Variants in CTNNA2 observed in about 807,000 individuals in gnomAD.
CTNNA2 encodes catenin alpha-2.
In CTNNA2, 42 loss-of-function variants were observed where a neutral mutation model predicts 101.0. That is an observed-to-expected ratio of 0.42 (90% CI 0.32 to 0.54). The LOEUF (loss-of-function observed/expected upper bound fraction) is 0.54, where lower values mean the gene tolerates loss of function less well. Ranked by LOEUF, CTNNA2 falls within the 20% of genes least tolerant of loss-of-function variation. The pLI is 0.14. For missense variants in CTNNA2, 871 were observed against 1,223.1 expected, an observed-to-expected ratio of 0.71 and a Z score of 4.29; for synonymous variants, 450 against 456.4, an observed-to-expected ratio of 0.99 and a Z score of 0.18.
chr2:80,512,690 T>G (rs1374935783), intron 9 of CTNNA2, among the ~76,000 whole-genome samples: 1 of 152,064 alleles, frequency 6.6e-6, no homozygotes, highest in African/African-American at 2.4e-5. Context: ...TTTTTTTGTT[T>G]GTTTGTTTTC....
chr2:80,431,660 C>T (rs1482030940), intron 9 of CTNNA2, among the ~76,000 whole-genome samples: 2 of 152,264 alleles, frequency 1.3e-5, no homozygotes, highest in Middle Eastern at 3.4e-3. Flanking sequence ...GTGAACTGAT[C>T]GGCAATATGG....
chr2:80,137,135 C>T (rs1464564319), intron 7 of CTNNA2, among the ~76,000 whole-genome samples: 2 of 152,096 alleles, frequency 1.3e-5, no homozygotes, highest in Non-Finnish European at 2.9e-5. Flanking sequence ...GGAGACCACA[C>T]AGCACACAGG....
At chr2:79,311,498 A>G (rs1253311074) in intron 2 of CTNNA2, among the ~76,000 whole-genome samples, 1 of 151,742 alleles carries the variant, frequency 6.6e-6, no homozygotes, top group African/African-American at 2.4e-5. Context: ...ACCTGTCACT[A>G]TTGGTCAGAA....
At chr2:79,777,194 C>G (rs1398119450) in intron 3 of CTNNA2, 2 of 152,110 alleles carry the variant, frequency 1.3e-5, no homozygotes, top group Non-Finnish European at 2.9e-5. Context: ...GAACTGCTTA[C>G]TATACAGCTG....
intron 4 of CTNNA2, among the ~76,000 whole-genome samples, chr2:79,386,452 C>G (rs1558654874): frequency 6.6e-6 from 1 of 152,120 alleles, no homozygotes; most frequent in Admixed American, 6.5e-5. Flanking sequence ...TATACTTTTC[C>G]TTCCTCTTAG....
chr2:80,550,625 A>C (rs1692481444), intron 11 of CTNNA2, among the ~76,000 whole-genome samples: 1 of 152,226 alleles, frequency 6.6e-6, no homozygotes, highest in African/African-American at 2.4e-5. Flanking sequence ...AGCTAGGGAT[A>C]GATTACATCT....
intron 7 of CTNNA2, among the ~76,000 whole-genome samples, chr2:80,384,396 T>C (rs1255400148): frequency 2.0e-5 from 3 of 150,640 alleles, no homozygotes; most frequent in African/African-American, 4.9e-5. Context: ...GAAACCTGCA[T>C]GTGTATCCCC....
At chr2:80,066,806 T>A (rs1698013463) in intron 7 of CTNNA2, among the ~76,000 whole-genome samples, 1 of 152,186 alleles carries the variant, frequency 6.6e-6, no homozygotes, top group East Asian at 1.9e-4. Flanking sequence ...TGCAGCGTTA[T>A]TCACAATAGC....
At chr2:80,618,116 A>G (rs1190967097) in intron 17 of CTNNA2, among the ~76,000 whole-genome samples, 1 of 151,860 alleles carries the variant, frequency 6.6e-6, no homozygotes, top group Non-Finnish European at 1.5e-5. Flanking sequence ...ATTGAAAAAA[A>G]ATACTTTAGT....
At chr2:80,311,720 G>T (rs997394401) in intron 7 of CTNNA2, among the ~76,000 whole-genome samples, 1 of 152,230 alleles carries the variant, frequency 6.6e-6, no homozygotes, top group Admixed American at 6.5e-5. Flanking sequence ...ACAAGGCTTT[G>T]TTCTGTTGTT....
chr2:79,829,317 G>A (rs1202441971), intron 3 of CTNNA2, among the ~76,000 whole-genome samples: 2 of 150,318 alleles, frequency 1.3e-5, no homozygotes, highest in African/African-American at 4.9e-5. Flanking sequence ...AGGAGTTGGA[G>A]ACCAGCCTGG....
intron 7 of CTNNA2, among the ~76,000 whole-genome samples, chr2:80,324,329 A>G (rs1227009704): frequency 6.6e-6 from 1 of 152,146 alleles, no homozygotes; most frequent in African/African-American, 2.4e-5. Flanking sequence ...TCTCAGAGTC[A>G]AGTCATAGGC....
intron 18 of CTNNA2, among the ~76,000 whole-genome samples, chr2:80,646,947 A>C (rs1401034686): frequency 6.6e-6 from 1 of 152,148 alleles, no homozygotes; most frequent in Non-Finnish European, 1.5e-5. Flanking sequence ...GGGAAAATAC[A>C]AATTTCTCAT....
chr2:79,548,497 A>G (rs1180800717), intron 1 of CTNNA2, among the ~76,000 whole-genome samples: 3 of 152,172 alleles, frequency 2.0e-5, no homozygotes, highest in Non-Finnish European at 2.9e-5. Flanking sequence ...GATTTCCATG[A>G]TAGTCACTGA....
At chr2:80,083,897 G>A (rs1182595531) in intron 7 of CTNNA2, among the ~76,000 whole-genome samples, 2 of 152,038 alleles carry the variant, frequency 1.3e-5, no homozygotes, top group African/African-American at 2.4e-5. Context: ...ACAGTAGGTT[G>A]GGAAGTGGAT....
At position 80,217,024 on chromosome 2, in the gene CTNNA2, A is replaced by G. The variant is rs188387650; in HGVS notation, c.1057-176187A>G. ...AGCTAATTTTTGTACTAGAGACGGAATTTCACCATGTTGGCCAGGCTGGTC... is the reference window on the plus strand; with the variant it reads ...AGCTAATTTTTGTACTAGAGACGGAGTTTCACCATGTTGGCCAGGCTGGTC... On this transcript the variant is annotated intron_variant, in intron 7 of 18. Transcript: ENST00000402739. 5.9e-5 allele frequency among the ~76,000 whole-genome samples: 9 copies of G among 151,866 alleles called. No individual in the cohort carries two copies. In the South Asian group the frequency reaches 1.9e-3, roughly 32 times the overall value.
intron 7 of CTNNA2, among the ~76,000 whole-genome samples, chr2:80,053,908 T>C (rs1343033061): frequency 6.6e-6 from 1 of 152,238 alleles, no homozygotes; most frequent in Non-Finnish European, 1.5e-5. Flanking sequence ...ACGTACGTTT[T>C]AAATCTTAAG....
chr2:80,585,568 C>G (rs1021935908), intron 14 of CTNNA2, among the ~76,000 whole-genome samples: 1 of 151,974 alleles, frequency 6.6e-6, no homozygotes, highest in African/African-American at 2.4e-5. Flanking sequence ...TCTCATGTTC[C>G]CTTAGTTTGA....
At chr2:79,455,104 A>C (rs1472972638) in intron 4 of CTNNA2, among the ~76,000 whole-genome samples, 10 of 152,198 alleles carry the variant, frequency 6.6e-5, no homozygotes. Flanking sequence ...TGTCTGGGTG[A>C]GGGCAGAAGA....
Sources: allele counts gnomAD v4.1 joint callset (sites outside exome capture counted in the v4.1 genomes callset), GRCh38; gene constraint gnomAD v4.1.1; transcripts MANE v1.5; gene names NCBI Gene and HGNC (gene_info 2026-07-23, HGNC 2026-07-21).